CAMKMT: variants seen among roughly 807,000 people sequenced by gnomAD.
CAMKMT encodes CaM KMT.
A neutral mutation model predicts 48.0 loss-of-function variants in CAMKMT; 53 were observed. That is an observed-to-expected ratio of 1.10 (90% CI 0.89 to 1.39). CAMKMT has a LOEUF of 1.39. Ranked by LOEUF, CAMKMT falls within the 40% of genes most tolerant of loss-of-function variation. CAMKMT has a pLI of 0.00. For missense variants in CAMKMT, 428 were observed against 402.7 expected (o/e 1.06, Z -0.54); for synonymous variants, 165 against 152.3 (o/e 1.08, Z -0.61).
At chr2:44,390,445 C>G in intron 3 of CAMKMT, 140 bp downstream of exon 3, 1 of 478,324 alleles carries the variant, frequency 2.1e-6, no homozygotes, top group South Asian at 3.1e-5. Flanking sequence ...GTTTGACTGT[C>G]TTTAGCTGCA....
chr2:44,673,585 T>C (rs1474348018), intron 3 of CAMKMT, among the ~76,000 whole-genome samples: 1 of 152,034 alleles, frequency 6.6e-6, no homozygotes, highest in Admixed American at 6.6e-5. Flanking sequence ...TGTGACCAGC[T>C]TGCTTATCAA....
intron 3 of CAMKMT, among the ~76,000 whole-genome samples, chr2:44,517,017 C>T (rs2104785713): frequency 6.6e-6 from 1 of 152,242 alleles, no homozygotes; most frequent in East Asian, 1.9e-4. Flanking sequence ...GCTGGGATTA[C>T]AGGCATGAGC....
intron 3 of CAMKMT, among the ~76,000 whole-genome samples, chr2:44,698,268 T>C (rs971191587): frequency 6.6e-6 from 1 of 152,226 alleles, no homozygotes; most frequent in Non-Finnish European, 1.5e-5. Context: ...TAACCATTGT[T>C]GCCCTGGGCA....
intron 3 of CAMKMT, among the ~76,000 whole-genome samples, chr2:44,576,348 A>T (rs1264111292): frequency 2.0e-5 from 3 of 150,246 alleles, no homozygotes; most frequent in East Asian, 3.9e-4. Context: ...AAAAAAAAAG[A>T]AAAGAAAAAG....
chr2:44,742,022 A>C (rs1679705197), intron 7 of CAMKMT, among the ~76,000 whole-genome samples: 1 of 151,854 alleles, frequency 6.6e-6, no homozygotes, highest in African/African-American at 2.4e-5. Context: ...TACTTTTCTG[A>C]TCAGAGAATG....
intron 1 of CAMKMT, among the ~76,000 whole-genome samples, chr2:44,364,213 G>T (rs1449824070): frequency 6.6e-6 from 1 of 151,942 alleles, no homozygotes; most frequent in Non-Finnish European, 1.5e-5. Context: ...CGGTCTAAAT[G>T]AAAACAGTGA....
At chr2:44,441,429 A>G (rs1666654313) in intron 3 of CAMKMT, among the ~76,000 whole-genome samples, 1 of 152,168 alleles carries the variant, frequency 6.6e-6, no homozygotes, top group Admixed American at 6.6e-5. Context: ...TTGCAAATAG[A>G]GGAGTCTTTA....
chr2:44,448,208 AC>A (rs1176698609), intron 3 of CAMKMT, among the ~76,000 whole-genome samples: 1 of 151,960 alleles, frequency 6.6e-6, no homozygotes, highest in Non-Finnish European at 1.5e-5. Context: ...AAAGCACCCC[AC>A]CACCCACTGC....
intron 3 of CAMKMT, among the ~76,000 whole-genome samples, chr2:44,405,935 T>C (rs1682747038): frequency 6.6e-6 from 1 of 152,180 alleles, no homozygotes. Flanking sequence ...TCTCCTAAAA[T>C]CTGTGCCTAA....
At chr2:44,736,473 GATT>G (rs1219524373) in intron 7 of CAMKMT, among the ~76,000 whole-genome samples, 1 of 152,024 alleles carries the variant, frequency 6.6e-6, no homozygotes, top group Non-Finnish European at 1.5e-5. Flanking sequence ...TAGGCAATTC[GATT>G]ATTATTATGT....
chr2:44,390,563 A>T (rs563170738), intron 3 of CAMKMT, among the ~76,000 whole-genome samples: 4 of 151,442 alleles, frequency 2.6e-5, no homozygotes, highest in African/African-American at 7.3e-5. Flanking sequence ...AGAGAGGGAG[A>T]TGGAGAGAGT....
intron 3 of CAMKMT, among the ~76,000 whole-genome samples, chr2:44,603,936 C>T (rs1021443238): frequency 6.6e-6 from 1 of 151,602 alleles, no homozygotes; most frequent in East Asian, 1.9e-4. Context: ...TAGATAACAC[C>T]AACACTAATA....
chr2:44,633,900 T>A (rs186334340), intron 3 of CAMKMT, among the ~76,000 whole-genome samples: 4 of 152,314 alleles, frequency 2.6e-5, no homozygotes, highest in African/African-American at 9.6e-5. Context: ...GTGGATCAGT[T>A]TGATTCTTTC....
intron 3 of CAMKMT, among the ~76,000 whole-genome samples, chr2:44,445,651 T>G (rs1395954700): frequency 1.3e-3 from 8 of 6,356 alleles, no homozygotes; most frequent in Admixed American, 4.2e-3. Flanking sequence ...GGTAGTTTTT[T>G]TTTTTTTTTT....
intron 3 of CAMKMT, among the ~76,000 whole-genome samples, chr2:44,518,847 A>T (rs1670960959): frequency 6.6e-6 from 1 of 152,218 alleles, no homozygotes; most frequent in South Asian, 2.1e-4. Flanking sequence ...GTCTTAGAAC[A>T]TGTCATGCTG....
chr2:44,604,304 A>C (rs1199218356), intron 3 of CAMKMT, among the ~76,000 whole-genome samples: 4 of 152,216 alleles, frequency 2.6e-5, no homozygotes, highest in African/African-American at 9.6e-5. Flanking sequence ...CTATCTGCTA[A>C]ATATTTCCCT....
At chr2:44,568,391 T>C (rs1291032623) in intron 3 of CAMKMT, among the ~76,000 whole-genome samples, 2 of 152,170 alleles carry the variant, frequency 1.3e-5, no homozygotes, top group Non-Finnish European at 2.9e-5. Flanking sequence ...ATGAACATAA[T>C]TTTTCAATCA....
chr2:44,590,005 A>C (rs1054199600), intron 3 of CAMKMT, among the ~76,000 whole-genome samples: 1 of 150,310 alleles, frequency 6.7e-6, no homozygotes, highest in African/African-American at 2.5e-5. Context: ...CTGCAACCTC[A>C]CTCAACATAC....
chr2:44,537,593 C>T (rs1470797929), intron 3 of CAMKMT, among the ~76,000 whole-genome samples: 2 of 151,830 alleles, frequency 1.3e-5, no homozygotes, highest in Non-Finnish European at 2.9e-5. Context: ...GAGACAGGAT[C>T]TCATTTCTGT....
Sources: gnomAD v4.1 joint callset for allele counts (sites outside exome capture counted in the v4.1 genomes callset) on GRCh38, gnomAD v4.1.1 for gene constraint, MANE v1.5 for transcripts, NCBI Gene and HGNC (gene_info 2026-07-23, HGNC 2026-07-21) for gene names.